The following GPR179 variants were observed in gnomAD, a reference collection of about 807,000 sequenced individuals.
GPR179 encodes probable G protein-coupled receptor 179.
Under a neutral mutation model 70.8 loss-of-function variants are expected in GPR179, and 52 were observed. The observed-to-expected ratio is 0.73, with a 90% CI of 0.59 to 0.93. The LOEUF (loss-of-function observed/expected upper bound fraction) is 0.93. Ranked by LOEUF, GPR179 falls within the 40% of genes least tolerant of loss-of-function variation. The pLI is 0.00. For synonymous variants in GPR179, 1,123 were observed against 1,169.0 expected, an observed-to-expected ratio of 0.96 and a Z score of 0.80; for missense variants, 2,734 against 2,966.8, an observed-to-expected ratio of 0.92 and a Z score of 1.82.
chr17:38,331,121 C>T lies in GPR179; in HGVS notation c.2448G>A (p.Arg816=). 1 of 1,603,300 alleles carries T rather than the reference C, an allele frequency of 6.2e-7. No individual in the cohort carries two copies. Among genetic ancestry groups the T allele is most frequent in the Non-Finnish European group, 8.5e-7 (1 of 1,179,536 alleles). ...SVEGPPALGF[R]SASAHNLTVG... ...CCGTCAGGTTGTGGGCGCTGGCTGACCTGAAGCCCAGGGCAGGGGGCCCCT... is the reference window on the plus strand; with the variant it reads ...CCGTCAGGTTGTGGGCGCTGGCTGATCTGAAGCCCAGGGCAGGGGGCCCCT... The change falls in exon 11 of 11, where the codon AGG becomes AGA. Residue 816 remains arginine, a synonymous_variant. Transcript: ENST00000616987.
chr17:38,326,375 T>A lies in GPR179; in HGVS notation c.*90A>T. 9.7e-7 allele frequency: 1 copy of A among 1,029,610 alleles called. No individual in the cohort carries two copies. The highest frequency in any genetic ancestry group is 1.4e-6 in the Non-Finnish European group (1 of 699,008). 63.8% of individuals were successfully genotyped at this position (1,029,610 alleles called of 1,614,324 possible). On this transcript the variant is annotated 3_prime_UTR_variant, in exon 11 of 11. Coordinates refer to ENST00000616987, the MANE Select transcript of GPR179 (RefSeq NM_001004334.4). Reference sequence around the variant, plus strand: ...AAGGAGGGGAAGTGGCCAAGCTGTCTTTGATTCAGCTCTTTGGGAACACCT... The same window carrying A: ...AAGGAGGGGAAGTGGCCAAGCTGTCATTGATTCAGCTCTTTGGGAACACCT...
Position 38,343,529 on chromosome 17 carries a change from G to A in GPR179, c.261C>T (p.Ala87=). 5 of 1,613,778 alleles carry A rather than the reference G, an allele frequency of 3.1e-6. No homozygotes were observed. The highest frequency in any genetic ancestry group is 4.2e-6 in the Non-Finnish European group (5 of 1,180,008). Residue 87 remains alanine, a synonymous_variant, in exon 1 of 11, where the codon GCC becomes GCT. Coordinates refer to ENST00000616987, the MANE Select transcript of GPR179 (RefSeq NM_001004334.4). This position sits in a 1 kb window ranked among gnomAD's most constrained non-coding sequence, Gnocchi z 4.2. ...SERYEARGAG[A]MPGLPPSLQG... ...GTAGGCTTGGGGGGAGCCCTGGCAT[G>A]GCTCCTGCCCCACGCGCTTCATAGC...
At chr17:38,331,631 A>T in intron 10 of GPR179, 100 bp from the exon 11 acceptor site, 1 of 1,494,096 alleles carries the variant, frequency 6.7e-7, no homozygotes, top group Non-Finnish European at 8.9e-7. Flanking sequence ...TCCCTTAGGG[A>T]TCTCTTTCCA....
At chr17:38,332,087 G>GCC (rs1259253270) in intron 10 of GPR179, among the ~76,000 whole-genome samples, 7 of 152,136 alleles carry the variant, frequency 4.6e-5, no homozygotes, top group Admixed American at 3.3e-4. Flanking sequence ...GGGTGGAGCT[G>GCC]CCCCTCCATA....
At position 38,326,081 on chromosome 17, in the gene GPR179, T is replaced by G; in HGVS notation, c.*384A>C. On this transcript the variant is annotated 3_prime_UTR_variant, in exon 11 of 11. Coordinates refer to ENST00000616987, the MANE Select transcript of GPR179 (RefSeq NM_001004334.4). ...CCATCGTAGACTTCAGAGAATTGGG[T>G]CCCCCTGTGAGAGAAGGTAGGCTGG... 1 of 205,678 alleles carries G rather than the reference T, an allele frequency of 4.9e-6. No homozygotes were observed. The highest frequency in any genetic ancestry group is 1.7e-4 in the South Asian group (1 of 6,012). 12.7% of individuals were successfully genotyped at this position (205,678 alleles called of 1,614,324 possible). A position where few individuals can be genotyped will look rare whatever the true frequency, so the allele number is the denominator to read the frequency against.
In GPR179 at chr17:38,330,283, G is replaced by C; in HGVS notation, c.3286C>G (p.Arg1096Gly). The change falls in exon 11 of 11, where the codon CGT (arginine) becomes GGT (glycine). Residue 1096 changes from arginine to glycine, a missense_variant. Physicochemically the swap from Arg to Gly is moderately radical, Grantham distance 125 (BLOSUM62 -2). Transcript: ENST00000616987. ...TTCTCTCTGTAGGTGCTCCGAGAAC[G>C]GGTCAGAGCTTTAATCGCCAGCCCC... ...SLGLAIKALTRSRSTYREKES... is the reference protein window; with the variant it reads ...SLGLAIKALTGSRSTYREKES... 1 of 1,606,794 alleles carries C rather than the reference G, an allele frequency of 6.2e-7. No individual in the cohort carries two copies. Among genetic ancestry groups the C allele is most frequent in the Non-Finnish European group, 8.5e-7 (1 of 1,175,602 alleles).
At chr17:38,333,895 C>T in intron 9 of GPR179, 38 bp downstream of exon 9, 1 of 1,495,884 alleles carries the variant, frequency 6.7e-7, no homozygotes, top group East Asian at 2.3e-5. Context: ...GACAGAGGGG[C>T]TGGGGTCCAC....
chr17:38,334,913 G>A lies in GPR179; in HGVS notation c.1646-71C>T. On this transcript the variant is annotated intron_variant, in intron 7 of 10. Transcript: ENST00000616987. The surrounding 1 kb of genome is among the most constrained non-coding windows in gnomAD (Gnocchi z 4.7). ...TGTCCCACCCCTTTCTCTGAAAGATGTGCTGGGGGGAGCCTGGGCTCGGGG... is the reference window on the plus strand; with the variant it reads ...TGTCCCACCCCTTTCTCTGAAAGATATGCTGGGGGGAGCCTGGGCTCGGGG... 1 of 1,600,140 alleles carries A rather than the reference G, an allele frequency of 6.2e-7. No homozygotes were observed.
Position 38,324,840 on chromosome 17 carries a change from T to TA in GPR179, c.*1624dup, listed in dbSNP as rs1270554009. 6.6e-6 allele frequency among the ~76,000 whole-genome samples: 1 copy of TA among 152,188 alleles called. No individual in the cohort carries two copies. Among genetic ancestry groups the TA allele is most frequent in the African/African-American group, 2.4e-5 (1 of 41,454 alleles). ...AGGACATCTGGTCCCCAAAGGAGAG[T>TA]AGGTTACTCCATTCCTCTGTTCCCT... is the stretch of plus-strand genomic sequence containing the variant. On this transcript the variant is annotated 3_prime_UTR_variant, in exon 11 of 11. Coordinates refer to ENST00000616987, the MANE Select transcript of GPR179 (RefSeq NM_001004334.4).
chr17:38,327,736 C>T lies in GPR179; in HGVS notation c.5833G>A (p.Glu1945Lys), dbSNP rs750701300. 4 of 1,614,214 alleles carry T rather than the reference C, an allele frequency of 2.5e-6. No homozygotes were observed. Among genetic ancestry groups the T allele is most frequent in the Non-Finnish European group, 3.4e-6 (4 of 1,180,048 alleles). ...TCATGGCTTGTTTTTTCCCCATCTT[C>T]AGTAGTGAATTCTTCTGTGTCTGCA... ...PAADTEEFTTEDGEKTSHELQ... is the reference protein window; with the variant it reads ...PAADTEEFTTKDGEKTSHELQ... Residue 1945 changes from glutamate (E) to lysine (K), a missense_variant, in exon 11 of 11, where the codon GAA (glutamate) becomes AAA (lysine). By Grantham distance (56) the Glu-to-Lys change is moderately conservative. Transcript: ENST00000616987.
chr17:38,337,866 G>C (rs531652080), intron 2 of GPR179, 146 bp from the exon 3 acceptor site: 1 of 680,178 alleles, frequency 1.5e-6, no homozygotes, highest in East Asian at 2.9e-5. Flanking sequence ...GCCCTCTCTA[G>C]TCCTTGGGAA....
At position 38,329,735 on chromosome 17, in the gene GPR179, T is replaced by G; in HGVS notation, c.3834A>C (p.Ala1278=). The G allele has an allele frequency of 6.2e-7, 1 of 1,614,208 alleles. No individual in the cohort carries two copies. Among genetic ancestry groups the G allele is most frequent in the Non-Finnish European group, 8.5e-7 (1 of 1,180,036 alleles). The change falls in exon 11 of 11, where the codon GCA becomes GCC. Residue 1278 remains alanine (A), a synonymous_variant. Coordinates refer to ENST00000616987, the MANE Select transcript of GPR179 (RefSeq NM_001004334.4). ...GGGAGTCACCTGGGTCTTGTCTTAG[T>G]GCCCTCGACTCTGGGGCTCCTTCAC... ...ETSEGAPESR[A]LRQDPGDSQK...
chr17:38,337,751 A>T, intron 2 of GPR179, 31 bp from the exon 3 acceptor site: 2 of 1,563,168 alleles, frequency 1.3e-6, no homozygotes, highest in Non-Finnish European at 1.8e-6. Context: ...GTATGTGTTT[A>T]TGTGGGGCTT....
chr17:38,326,429 A>G lies in GPR179; in HGVS notation c.*36T>C. 1 of 1,498,394 alleles carries G rather than the reference A, an allele frequency of 6.7e-7. No individual in the cohort carries two copies. Among genetic ancestry groups the G allele is most frequent in the South Asian group, 1.3e-5 (1 of 78,768 alleles). The allele number at this position is 1,498,394 out of a possible 1,614,324, so 92.8% of individuals were successfully genotyped here. A position where few individuals can be genotyped will look rare whatever the true frequency, so the allele number is the denominator to read the frequency against. Reference sequence around the variant, plus strand: ...CTTGGAAAGGGCCTTGGCTCCTGAAAGCTAGCTCTGTGTTTGACCTCACCT... The same window carrying G: ...CTTGGAAAGGGCCTTGGCTCCTGAAGGCTAGCTCTGTGTTTGACCTCACCT... On this transcript the variant is annotated 3_prime_UTR_variant, in exon 11 of 11. Coordinates refer to ENST00000616987, the MANE Select transcript of GPR179 (RefSeq NM_001004334.4).
At position 38,331,049 on chromosome 17, in the gene GPR179, C is replaced by T. The variant is rs781023140; in HGVS notation, c.2520G>A (p.Ser840=). The T allele has an allele frequency of 1.5e-5, 24 of 1,607,654 alleles. No individual in the cohort carries two copies. The highest frequency in any genetic ancestry group is 1.8e-5 in the Non-Finnish European group (21 of 1,179,936). Residue 840 remains serine, a synonymous_variant, in exon 11 of 11, where the codon TCG becomes TCA. Coordinates refer to ENST00000616987, the MANE Select transcript of GPR179 (RefSeq NM_001004334.4). ...TTTCCCTGGAGCTGGCCACACTGAG[C>T]GACTTCTGCAGAGAGGCGGGCCGGG... ...PRARPASLQK[S]LSVASSREKA... is the part of the protein sequence containing the mutation.
chr17:38,327,665 G>A lies in GPR179; in HGVS notation c.5904C>T (p.Ser1968=), dbSNP rs769955060. ...GGCGCTGTCTGTCTAGGTGAGAGAC[G>A]GAATCTGCTGGGGCAGTGGTCTCCC... ...CPWETTAPAD[S]VSHLDRQRPD... The change falls in exon 11 of 11, where the codon TCC becomes TCT. Residue 1968 remains serine (S), a synonymous_variant. Coordinates refer to ENST00000616987, the MANE Select transcript of GPR179 (RefSeq NM_001004334.4). 5.1e-5 allele frequency: 82 copies of A among 1,614,086 alleles called. No individual in the cohort carries two copies. The highest frequency in any genetic ancestry group is 6.2e-5 in the Non-Finnish European group (73 of 1,180,024).
At position 38,327,277 on chromosome 17, in the gene GPR179, TG is replaced by T; in HGVS notation, c.6291del (p.Ser2097ArgfsTer15). On this transcript the variant is annotated frameshift_variant, in exon 11 of 11. Coordinates refer to ENST00000616987, the MANE Select transcript of GPR179 (RefSeq NM_001004334.4). LOFTEE classifies it low-confidence loss of function (END_TRUNC). Reference sequence around the variant, plus strand: ...CTGCCTGCTGCCTCAGAACTGCCTCTGCTTCTGTCAGAAGCATCTGGGGCTG... The same window carrying T: ...CTGCCTGCTGCCTCAGAACTGCCTCTCTTCTGTCAGAAGCATCTGGGGCTG... ...PQPAPDASDR[S>X]RGSSEAAGSV... 3.7e-6 allele frequency: 6 copies of T among 1,614,270 alleles called. No individual in the cohort carries two copies. Among genetic ancestry groups the T allele is most frequent in the Non-Finnish European group, 4.2e-6 (5 of 1,180,052 alleles).
At position 38,343,542 on chromosome 17, in the gene GPR179, C is replaced by T. The variant is rs765450066; in HGVS notation, c.248G>A (p.Arg83His). The change falls in exon 1 of 11, where the codon CGT becomes CAT. Residue 83 changes from arginine (R) to histidine (H), a missense_variant. Physicochemically the swap from Arg to His is conservative, Grantham distance 29. Transcript: ENST00000616987. The surrounding 1 kb of genome is among the most constrained non-coding windows in gnomAD (Gnocchi z 4.2). ...QVNCSERYEA[R>H]GAGAMPGLPP... ...GAGCCCTGGCATGGCTCCTGCCCCA[C>T]GCGCTTCATAGCGCTCACTGCAATT... 11 of 1,613,656 alleles carry T rather than the reference C, an allele frequency of 6.8e-6. No individual in the cohort carries two copies. Among genetic ancestry groups the T allele is most frequent in the East Asian group, 2.2e-5 (1 of 44,896 alleles).
chr17:38,330,993 A>G lies in GPR179; in HGVS notation c.2576T>C (p.Leu859Pro). The G allele has an allele frequency of 6.2e-7, 1 of 1,612,108 alleles. No individual in the cohort carries two copies. The highest frequency in any genetic ancestry group is 8.5e-7 in the Non-Finnish European group (1 of 1,179,870). Reference sequence around the variant, plus strand: ...CTTTGCTTGCCGGTAGGTCTCCTCCAGGTAGGCCTGGCTGGCCATGAGCAA... The same window carrying G: ...CTTTGCTTGCCGGTAGGTCTCCTCCGGGTAGGCCTGGCTGGCCATGAGCAA... ...KALLMASQAYLEETYRQAKER... is the reference protein window; with the variant it reads ...KALLMASQAYPEETYRQAKER... The change falls in exon 11 of 11, where the codon CTG becomes CCG. Residue 859 changes from leucine to proline, a missense_variant. Transcript: ENST00000616987.
Sources: allele counts gnomAD v4.1 joint callset (sites outside exome capture counted in the v4.1 genomes callset), GRCh38; gene constraint gnomAD v4.1.1; non-coding constraint Gnocchi (gnomAD v3.1); transcripts MANE v1.5; gene names NCBI Gene and HGNC (gene_info 2026-07-23, HGNC 2026-07-21).